The following GDA variants were observed in gnomAD, a reference collection of about 807,000 sequenced individuals.
GDA encodes guanine deaminase, also known as cytoplasmic PSD-95 interactor.
GDA carries 18 observed loss-of-function variants against 59.6 expected under a neutral mutation model. The ratio of observed to expected loss-of-function variants is 0.30; its 90% confidence interval spans 0.21 to 0.45. The LOEUF (loss-of-function observed/expected upper bound fraction) is 0.45, where lower values mean the gene tolerates loss of function less well. GDA is among the 20% of genes least tolerant of loss of function. The probability of loss-of-function intolerance (pLI) is 1.00; values close to 1 mark genes in which losing one functional copy is unlikely to be tolerated. For missense variants in GDA, 427 were observed against 552.3 expected (o/e 0.77, Z 2.27); for synonymous variants, 201 against 201.1 (o/e 1.00, Z 0.00).
intron 1 of GDA, among the ~76,000 whole-genome samples, chr9:72,157,388 G>A (rs1177502499): frequency 6.6e-6 from 1 of 152,098 alleles, no homozygotes; most frequent in Non-Finnish European, 1.5e-5. Flanking sequence ...CTAAATCTCT[G>A]TTAGTTGGGT....
chr9:72,209,771 G>C (rs1031638853), intron 3 of GDA, among the ~76,000 whole-genome samples: 5 of 152,082 alleles, frequency 3.3e-5, no homozygotes, highest in Admixed American at 3.3e-4. Flanking sequence ...GTGAATTTGG[G>C]TCCCAAACGT....
At chr9:72,178,649 C>A (rs1225255475) in intron 1 of GDA, among the ~76,000 whole-genome samples, 1 of 152,090 alleles carries the variant, frequency 6.6e-6, no homozygotes, top group Non-Finnish European at 1.5e-5. Context: ...AACTCCTGAC[C>A]TCAGGTGTTC....
chr9:72,145,813 C>G (rs116382622), upstream of GDA, among the ~76,000 whole-genome samples: 969 of 152,310 alleles, frequency 6.4e-3, 6 homozygotes, highest in African/African-American at 0.022. Context: ...TAAAACTCAT[C>G]CTTAAGTTCT....
At chr9:72,164,346 A>C (rs1038701779) in intron 1 of GDA, among the ~76,000 whole-genome samples, 2 of 152,326 alleles carry the variant, frequency 1.3e-5, no homozygotes, top group African/African-American at 4.8e-5. Context: ...GGAGCAGTGC[A>C]GGTGTCATGT....
downstream of GDA, among the ~76,000 whole-genome samples, chr9:72,254,569 A>C (rs1317973790): frequency 6.6e-6 from 1 of 152,194 alleles, no homozygotes; most frequent in African/African-American, 2.4e-5. Context: ...GTAGAAGGAG[A>C]ACCCAAAGTC....
chr9:72,179,056 T>G (rs1367863461), intron 1 of GDA, among the ~76,000 whole-genome samples: 1 of 152,076 alleles, frequency 6.6e-6, no homozygotes, highest in Non-Finnish European at 1.5e-5. Context: ...GTTTCCAGAG[T>G]TCTCTAAGAG....
chr9:72,123,185 C>CCT (rs1825723240), intron 1 of GDA, among the ~76,000 whole-genome samples: 2 of 126,168 alleles, frequency 1.6e-5, no homozygotes, highest in African/African-American at 5.8e-5. Context: ...TTTTTCTTCC[C>CCT]TTTTTTTTTT....
chr9:72,154,698 G>A (rs980053103), intron 1 of GDA, among the ~76,000 whole-genome samples: 7 of 152,208 alleles, frequency 4.6e-5, no homozygotes, highest in African/African-American at 1.4e-4. Flanking sequence ...AGGAAGTTGA[G>A]ACTTGAGAAG....
chr9:72,259,842 G>C (rs1208883535), downstream of GDA, among the ~76,000 whole-genome samples: 5 of 152,154 alleles, frequency 3.3e-5, 1 homozygote, highest in African/African-American at 7.2e-5. Context: ...AAGAGAATTT[G>C]GCAGGACTTA....
chr9:72,122,522 G>A (rs962621202), intron 1 of GDA, among the ~76,000 whole-genome samples: 2 of 151,994 alleles, frequency 1.3e-5, no homozygotes, highest in Non-Finnish European at 1.5e-5. Context: ...TTTATGGAAC[G>A]GAGAGTTAAC....
At chr9:72,168,114 G>C (rs930073971) in intron 1 of GDA, among the ~76,000 whole-genome samples, 2 of 152,118 alleles carry the variant, frequency 1.3e-5, no homozygotes, top group South Asian at 2.1e-4. Flanking sequence ...GGAAAAGATT[G>C]GGCAGGGTGA....
intron 2 of GDA, among the ~76,000 whole-genome samples, chr9:72,197,060 A>G (rs1019280954): frequency 1.3e-5 from 2 of 152,224 alleles, no homozygotes; most frequent in African/African-American, 4.8e-5. Context: ...ATAGAGAAAC[A>G]CTGTTTCACG....
chr9:72,149,704 C>G, intron 1 of GDA, 22 bp downstream of exon 1: 1 of 1,579,152 alleles, frequency 6.3e-7, no homozygotes, highest in Non-Finnish European at 8.6e-7. Flanking sequence ...CGGGGTCGAG[C>G]GCACTCCGAC....
chr9:72,168,608 G>A (rs1829601340), intron 1 of GDA, among the ~76,000 whole-genome samples: 2 of 152,028 alleles, frequency 1.3e-5, no homozygotes, highest in South Asian at 2.1e-4. Context: ...GGCCAGGCTG[G>A]TCTCAGTCTC....
At chr9:72,138,147 G>A (rs1826311345) in intron 1 of GDA, among the ~76,000 whole-genome samples, 1 of 152,108 alleles carries the variant, frequency 6.6e-6, no homozygotes. Flanking sequence ...GAAGGAGAAG[G>A]AATGTGCTTA....
At chr9:72,254,901 A>C (rs774626909), downstream of GDA, among the ~76,000 whole-genome samples, 8 of 152,214 alleles carry the variant, frequency 5.3e-5, no homozygotes, top group Admixed American at 1.3e-4. Context: ...TTTCATCCAC[A>C]CCTGAGTTAA....
chr9:72,190,387 A>G (rs1244372840), intron 1 of GDA, among the ~76,000 whole-genome samples: 2 of 152,190 alleles, frequency 1.3e-5, no homozygotes, highest in African/African-American at 4.8e-5. Flanking sequence ...TTGGCCTCCC[A>G]AAGTGCTGGG....
chr9:72,135,327 C>G (rs931662302), intron 1 of GDA, among the ~76,000 whole-genome samples: 12 of 151,954 alleles, frequency 7.9e-5, no homozygotes, highest in African/African-American at 2.9e-4. Flanking sequence ...ATTTTATATT[C>G]TAGCTACTAT....
chr9:72,181,055 A>T (rs1029974741), intron 1 of GDA, among the ~76,000 whole-genome samples: 2 of 152,182 alleles, frequency 1.3e-5, no homozygotes, highest in African/African-American at 2.4e-5. Flanking sequence ...TTGATTTTTT[A>T]AAAATAGCAT....
Sources: allele counts gnomAD v4.1 joint callset (sites outside exome capture counted in the v4.1 genomes callset), GRCh38; gene constraint gnomAD v4.1.1; transcripts MANE v1.5; gene names NCBI Gene and HGNC (gene_info 2026-07-23, HGNC 2026-07-21).